Variants in EPHA6 observed in about 807,000 individuals in gnomAD.
The protein encoded by EPHA6 is EPH receptor A6.
Under a neutral mutation model 112.0 loss-of-function variants are expected in EPHA6, and 50 were observed. The ratio of observed to expected loss-of-function variants is 0.45; its 90% CI spans 0.36 to 0.56. The LOEUF is 0.56. Among genes scored for constraint, EPHA6 ranks in the 20% least tolerant of loss-of-function variants. The probability of loss-of-function intolerance (pLI) is 0.00; values close to 1 mark genes in which losing one functional copy is unlikely to be tolerated. For synonymous variants in EPHA6, 529 were observed against 490.7 expected (o/e 1.08, Z -1.03); for missense variants, 1,280 against 1,417.4 (o/e 0.90, Z 1.56).
chr3:97,218,957 CT>C (rs2108528624), intron 3 of EPHA6, among the ~76,000 whole-genome samples: 1 of 152,172 alleles, frequency 6.6e-6, no homozygotes, highest in African/African-American at 2.4e-5. Flanking sequence ...AACAAAAGGG[CT>C]CCAGGCCTCC....
chr3:97,631,978 T>G (rs796970219), intron 13 of EPHA6, among the ~76,000 whole-genome samples: 75 of 152,088 alleles, frequency 4.9e-4, no homozygotes, highest in Middle Eastern at 3.4e-3. Flanking sequence ...TAGAAAGAAA[T>G]ATAGCAGATA....
Position 96,931,260 on chromosome 3 carries a change from A to G in EPHA6, c.451-56070A>G, listed in dbSNP as rs565864605. On this transcript the variant is annotated intron_variant, in intron 2 of 17. Coordinates refer to ENST00000389672, the MANE Select transcript of EPHA6 (RefSeq NM_001080448.3). ...CCTGGCTGGGAGGTCCCACCCAGTG[A>G]GGAGGAATGGATCAGGGTCCTGCTT... 1.0e-3 allele frequency among the ~76,000 whole-genome samples: 155 copies of G among 152,270 alleles called. 1 individual carries two copies. Among genetic ancestry groups the G allele is most frequent in the African/African-American group, 3.5e-3 (146 of 41,576 alleles).
At chr3:97,620,708 A>G (rs971194900) in intron 13 of EPHA6, among the ~76,000 whole-genome samples, 6 of 152,082 alleles carry the variant, frequency 3.9e-5, no homozygotes, top group Admixed American at 6.6e-5. Flanking sequence ...CAAAACCACA[A>G]TGAGTTACCA....
In EPHA6 at chr3:97,532,338, G is replaced by T; in HGVS notation, c.2201-20G>T. 2.5e-6 allele frequency: 4 copies of T among 1,587,544 alleles called. No homozygotes were observed. Among genetic ancestry groups the T allele is most frequent in the Non-Finnish European group, 3.4e-6 (4 of 1,167,718 alleles). On this transcript the variant is annotated intron_variant, in intron 10 of 17. Coordinates refer to ENST00000389672, the MANE Select transcript of EPHA6 (RefSeq NM_001080448.3). ...AAGTGTTCGGTTTAATCAAATAACTGCTTTTGTTCATATTTTAAGGTGAAT... is the reference window on the plus strand; with the variant it reads ...AAGTGTTCGGTTTAATCAAATAACTTCTTTTGTTCATATTTTAAGGTGAAT...
intron 2 of EPHA6, among the ~76,000 whole-genome samples, chr3:96,914,131 G>A (rs1430549696): frequency 3.3e-5 from 5 of 151,920 alleles, no homozygotes; most frequent in South Asian, 2.1e-4. Context: ...TTTTCATGCC[G>A]GCACAAAAGA....
chr3:96,879,809 G>A (rs2037200349), intron 2 of EPHA6, among the ~76,000 whole-genome samples: 1 of 151,960 alleles, frequency 6.6e-6, no homozygotes, highest in Non-Finnish European at 1.5e-5. Flanking sequence ...TCTCAGCTTG[G>A]TCATTGTTGG....
chr3:97,473,440 A>AT (rs2091283538), intron 7 of EPHA6, among the ~76,000 whole-genome samples: 1 of 151,766 alleles, frequency 6.6e-6, no homozygotes, highest in African/African-American at 2.4e-5. Context: ...AAACAACACC[A>AT]TTTTTTATAA....
intron 5 of EPHA6, among the ~76,000 whole-genome samples, chr3:97,334,449 C>A (rs1577009395): frequency 6.9e-6 from 1 of 143,940 alleles, no homozygotes; most frequent in African/African-American, 2.6e-5. Context: ...AATGAAACTT[C>A]TTTTTTCTTT....
chr3:97,747,049 A>G (rs1237558274), intron 16 of EPHA6, among the ~76,000 whole-genome samples: 1 of 151,822 alleles, frequency 6.6e-6, no homozygotes, highest in African/African-American at 2.4e-5. Context: ...GGGATAAGGG[A>G]TGGGCTATTC....
chr3:97,542,838 A>C lies in EPHA6; in HGVS notation c.2386+10295A>C, dbSNP rs566414120. 5.3e-5 allele frequency among the ~76,000 whole-genome samples: 8 copies of C among 152,262 alleles called. No homozygotes were observed. In the South Asian group the frequency reaches 1.4e-3, roughly 28 times the overall value. On this transcript the variant is annotated intron_variant, in intron 11 of 17. Transcript: ENST00000389672. ...TGTGGTTTTGATTTGCATTTCTCTG[A>C]TGGCCAGTGATGATGAGCATTTTTT...
intron 16 of EPHA6, among the ~76,000 whole-genome samples, chr3:97,743,915 T>C (rs1357480385): frequency 6.6e-6 from 1 of 152,008 alleles, no homozygotes; most frequent in Non-Finnish European, 1.5e-5. Context: ...TATTGATATA[T>C]ATTGATGACC....
At chr3:97,193,455 A>G (rs910035725) in intron 3 of EPHA6, among the ~76,000 whole-genome samples, 2 of 152,102 alleles carry the variant, frequency 1.3e-5, no homozygotes, top group Non-Finnish European at 2.9e-5. Context: ...CTACTGACAT[A>G]TAAGAATACT....
At chr3:97,684,771 A>G (rs940190291) in intron 14 of EPHA6, among the ~76,000 whole-genome samples, 1 of 152,212 alleles carries the variant, frequency 6.6e-6, no homozygotes. Context: ...GGAGGGAATC[A>G]GAAACCAGTC....
At chr3:97,445,300 G>T (rs1019381813) in intron 6 of EPHA6, among the ~76,000 whole-genome samples, 5 of 152,084 alleles carry the variant, frequency 3.3e-5, no homozygotes, top group Admixed American at 2.6e-4. Flanking sequence ...CTCAGCCAAT[G>T]AGCATCCACT....
At chr3:96,879,524 G>A (rs2037181238) in intron 2 of EPHA6, among the ~76,000 whole-genome samples, 1 of 151,978 alleles carries the variant, frequency 6.6e-6, no homozygotes, top group African/African-American at 2.4e-5. Context: ...AAGAGTTTTG[G>A]TGTCCTATTA....
chr3:97,449,409 T>A (rs1266044817), intron 7 of EPHA6, among the ~76,000 whole-genome samples: 1 of 152,122 alleles, frequency 6.6e-6, no homozygotes, highest in Non-Finnish European at 1.5e-5. Flanking sequence ...TATGAAAAAG[T>A]GGTCAAATAT....
rs543687846 is a variant in EPHA6 at position 97,353,624 on chromosome 3, G to A, written c.1607-51526G>A. On this transcript the variant is annotated intron_variant, in intron 5 of 17. Coordinates refer to ENST00000389672, the MANE Select transcript of EPHA6 (RefSeq NM_001080448.3). ...CTGAACTAGAATAAAGTCCCAAGTC[G>A]ATCCCTAAGGTTTCCAACTACAGGC... is the stretch of plus-strand genomic sequence containing the variant. 3.0e-4 allele frequency among the ~76,000 whole-genome samples: 46 copies of A among 152,178 alleles called. 1 individual carries two copies. The highest frequency in any genetic ancestry group is 2.1e-3 in the Admixed American group (32 of 15,280).
chr3:96,972,424 AACACAC>A (rs3070424), intron 2 of EPHA6, among the ~76,000 whole-genome samples: 12,915 of 144,762 alleles, frequency 0.089, 1,240 homozygotes, highest in African/African-American at 0.24. Context: ...CACACACACA[AACACAC>A]ACACACACAC....
chr3:97,226,969 G>A (rs2078375488), intron 4 of EPHA6, among the ~76,000 whole-genome samples: 1 of 152,068 alleles, frequency 6.6e-6, no homozygotes, highest in African/African-American at 2.4e-5. Flanking sequence ...GTTAGAAGCA[G>A]TAGAATGTTA....
Sources: gnomAD v4.1 joint callset for allele counts (sites outside exome capture counted in the v4.1 genomes callset) on GRCh38, gnomAD v4.1.1 for gene constraint, MANE v1.5 for transcripts, NCBI Gene and HGNC (gene_info 2026-07-23, HGNC 2026-07-21) for gene names.